The following SIPA1L1 variants were observed in gnomAD, a reference collection of about 807,000 sequenced individuals.
SIPA1L1 encodes the protein signal-induced proliferation-associated 1-like protein 1.
A neutral mutation model predicts 162.7 loss-of-function variants in SIPA1L1; 26 were observed. That is an observed-to-expected ratio of 0.16 (90% confidence interval 0.12 to 0.22). SIPA1L1 has a LOEUF of 0.22. Ranked by LOEUF, SIPA1L1 falls within the 10% of genes least tolerant of loss-of-function variation. The pLI, the probability that SIPA1L1 is intolerant of heterozygous loss-of-function variation, is 1.00. For missense variants in SIPA1L1, 1,874 were observed against 2,241.0 expected (o/e 0.84, Z 3.31); for synonymous variants, 829 against 837.4 (o/e 0.99, Z 0.17).
At chr14:71,644,614 GA>G (rs1475427783) in intron 7 of SIPA1L1, among the ~76,000 whole-genome samples, 11 of 152,196 alleles carry the variant, frequency 7.2e-5, no homozygotes, top group Non-Finnish European at 1.5e-4. Context: ...CTCTTATGGA[GA>G]TTTTATAAGT....
Position 71,584,088 on chromosome 14 carries a change from A to T in SIPA1L1, c.-302-3483A>T, listed in dbSNP as rs572114930. Among the ~76,000 whole-genome samples the T allele has an allele frequency of 2.8e-4, 43 of 152,328 alleles. No individual in the cohort carries two copies. The South Asian group carries it at 8.9e-3, about 32-fold the overall frequency. ...ATACCTTTTATACCCCTTTCCAGAAATATGAAAAATGTCAAGAGAGATAAA... is the reference window on the plus strand; with the variant it reads ...ATACCTTTTATACCCCTTTCCAGAATTATGAAAAATGTCAAGAGAGATAAA... On this transcript the variant is annotated intron_variant, in intron 4 of 23. Transcript: ENST00000381232.
chr14:71,610,711 A>AT (rs1004835735), intron 5 of SIPA1L1, among the ~76,000 whole-genome samples: 1 of 152,004 alleles, frequency 6.6e-6, no homozygotes, highest in African/African-American at 2.4e-5. Flanking sequence ...TTTTCTTTGT[A>AT]TTTTTTTCTT....
Position 71,624,045 on chromosome 14 carries a change from C to A in SIPA1L1, c.1630-3C>A. On this transcript the variant is annotated splice_polypyrimidine_tract_variant and splice_region_variant and intron_variant, in intron 6 of 23. Transcript: ENST00000381232. ...CTCACCACAGCACCTGTCTCTCTTG[C>A]AGCTCATGACACTGAGAGGTTCGGT... is the stretch of plus-strand genomic sequence containing the variant. 6.3e-7 allele frequency: 1 copy of A among 1,592,530 alleles called. No individual in the cohort carries two copies. The highest frequency in any genetic ancestry group is 8.6e-7 in the Non-Finnish European group (1 of 1,168,140).
intron 2 of SIPA1L1, among the ~76,000 whole-genome samples, chr14:71,356,580 A>AAAAAAAAAAAAAAAAAAAAAAAAAC (rs1345552550): frequency 2.1e-5 from 3 of 144,072 alleles, no homozygotes; most frequent in South Asian, 2.2e-4. Context: ...AAAAAAAAAA[A>AAAAAAAAAAAAAAAAAAAAAAAAAC]AAAAAAAGCA....
chr14:71,607,492 A>G (rs540378612), intron 5 of SIPA1L1, among the ~76,000 whole-genome samples: 1 of 152,242 alleles, frequency 6.6e-6, no homozygotes, highest in South Asian at 2.1e-4. Flanking sequence ...AGCCTGAGCA[A>G]CATAGTGAGA....
chr14:71,680,114 A>G (rs1262051548), intron 12 of SIPA1L1, among the ~76,000 whole-genome samples: 1 of 152,256 alleles, frequency 6.6e-6, no homozygotes, highest in South Asian at 2.1e-4. Flanking sequence ...CAAAATCAAC[A>G]GAATATACAT....
In SIPA1L1 at chr14:71,709,471, G is replaced by A. The variant is rs2082709496; in HGVS notation, c.4015G>A (p.Ala1339Thr). The change falls in exon 17 of 24, where the codon GCA (alanine) becomes ACA (threonine). Residue 1339 changes from alanine (A) to threonine (T), a missense_variant. Physicochemically the swap from Ala to Thr is moderately conservative, Grantham distance 58. Coordinates refer to ENST00000381232, the MANE Select transcript of SIPA1L1 (RefSeq NM_001386936.1). ...CTCAGGGCCAGGCAAGGAGAAAGTG[G>A]CACCCCTATGGCACAGCTCCAGTGA... ...PRSGPGKEKV[A>T]PLWHSSSEVI... The A allele has an allele frequency of 6.2e-7, 1 of 1,614,230 alleles. No homozygotes were observed. Among genetic ancestry groups the A allele is most frequent in the Non-Finnish European group, 8.5e-7 (1 of 1,180,042 alleles).
chr14:71,645,088 G>T (rs572858921), intron 7 of SIPA1L1, among the ~76,000 whole-genome samples: 1 of 152,276 alleles, frequency 6.6e-6, no homozygotes, highest in Admixed American at 6.5e-5. Context: ...TCAACTTCTG[G>T]TGGCTGCCCG....
At chr14:71,484,106 C>T (rs1393990152) in intron 2 of SIPA1L1, among the ~76,000 whole-genome samples, 1 of 152,180 alleles carries the variant, frequency 6.6e-6, no homozygotes, top group African/African-American at 2.4e-5. Context: ...AGACACTATC[C>T]TCAGTATGTC....
At chr14:71,537,331 G>A (rs1258158860) in intron 4 of SIPA1L1, among the ~76,000 whole-genome samples, 2 of 152,130 alleles carry the variant, frequency 1.3e-5, no homozygotes, top group Non-Finnish European at 2.9e-5. Flanking sequence ...CTCTCAAGTA[G>A]CTGGGATTAC....
At chr14:71,691,409 TAGTG>T (rs2081245112) in intron 13 of SIPA1L1, among the ~76,000 whole-genome samples, 1 of 151,938 alleles carries the variant, frequency 6.6e-6, no homozygotes, top group Non-Finnish European at 1.5e-5. Flanking sequence ...CTGGGCAACA[TAGTG>T]AGACCCCGTA....
chr14:71,408,217 C>T (rs2042162928), intron 2 of SIPA1L1, among the ~76,000 whole-genome samples: 1 of 152,096 alleles, frequency 6.6e-6, no homozygotes, highest in South Asian at 2.1e-4. Flanking sequence ...TTTAAAACAT[C>T]CTCAGATAGT....
chr14:71,614,161 T>C, intron 5 of SIPA1L1, among the ~76,000 whole-genome samples: 1 of 148,960 alleles, frequency 6.7e-6, no homozygotes, highest in Non-Finnish European at 1.5e-5. Context: ...GAGGTTGCAG[T>C]GGGCCAAGAT....
Position 71,588,768 on chromosome 14 carries a change from T to C in SIPA1L1, c.896T>C (p.Leu299Ser). 1 of 1,614,070 alleles carries C rather than the reference T, an allele frequency of 6.2e-7. No individual in the cohort carries two copies. Among genetic ancestry groups the C allele is most frequent in the Non-Finnish European group, 8.5e-7 (1 of 1,179,978 alleles). ...GGAGACTCATCTATTTTTCGTAAAT[T>C]GCGCAATGCCAAAGGTGAAGAACTT... ...ETGDSSIFRK[L>S]RNAKGEELGK... Residue 299 changes from leucine (L) to serine (S), a missense_variant, in exon 5 of 24, where the codon TTG (leucine) becomes TCG (serine). By Grantham distance (145) the Leu-to-Ser change is moderately radical (BLOSUM62 -2). Coordinates refer to ENST00000381232, the MANE Select transcript of SIPA1L1 (RefSeq NM_001386936.1). This position sits in a 1 kb window ranked among gnomAD's most constrained non-coding sequence, Gnocchi z 4.3.
At chr14:71,540,008 G>A (rs1441801243) in intron 4 of SIPA1L1, among the ~76,000 whole-genome samples, 1 of 152,210 alleles carries the variant, frequency 6.6e-6, no homozygotes. Context: ...TTGGAAGCAG[G>A]CTGAGAAATG....
chr14:71,510,782 A>G (rs887312423), intron 2 of SIPA1L1, among the ~76,000 whole-genome samples: 3 of 152,234 alleles, frequency 2.0e-5, no homozygotes, highest in African/African-American at 7.2e-5. Flanking sequence ...TGAGACAGTC[A>G]AAGTAAAACA....
intron 2 of SIPA1L1, among the ~76,000 whole-genome samples, chr14:71,409,293 GA>G (rs1280214163): frequency 6.6e-6 from 1 of 152,140 alleles, no homozygotes; most frequent in Non-Finnish European, 1.5e-5. Context: ...TGGGGTTGAA[GA>G]TTTTTTTTCC....
chr14:71,502,182 G>A (rs2050275303), intron 2 of SIPA1L1, among the ~76,000 whole-genome samples: 1 of 140,608 alleles, frequency 7.1e-6, no homozygotes, highest in Admixed American at 7.3e-5. Context: ...TTACCTTCAT[G>A]GACTGATGCT....
chr14:71,452,365 A>AGGATAATTTTTTAGTGTAGTATT (rs1283783452), intron 2 of SIPA1L1, among the ~76,000 whole-genome samples: 1 of 152,204 alleles, frequency 6.6e-6, no homozygotes, highest in Non-Finnish European at 1.5e-5. Flanking sequence ...GTATATAGGA[A>AGGATAATTTTTTAGTGTAGTATT]GGATAATTTT....
Sources: gnomAD v4.1 joint callset for allele counts (sites outside exome capture counted in the v4.1 genomes callset) on GRCh38, gnomAD v4.1.1 for gene constraint, Gnocchi (gnomAD v3.1) non-coding constraint, MANE v1.5 for transcripts, NCBI Gene and HGNC (gene_info 2026-07-23, HGNC 2026-07-21) for gene names.